The following RBFOX1 variants were observed in gnomAD, a reference collection of about 807,000 sequenced individuals.
RBFOX1 encodes RNA binding protein fox-1 homolog 1.
In RBFOX1, 8 loss-of-function variants were observed where a neutral mutation model predicts 57.7. The observed-to-expected ratio is 0.14, with a 90% CI of 0.08 to 0.25. The LOEUF (loss-of-function observed/expected upper bound fraction) is 0.25, where lower values mean the gene tolerates loss of function less well. Ranked by LOEUF, RBFOX1 falls within the 10% of genes least tolerant of loss-of-function variation. The probability of loss-of-function intolerance (pLI) is 1.00; values close to 1 mark genes in which losing one functional copy is unlikely to be tolerated. For missense variants in RBFOX1, 611 were observed against 548.5 expected (o/e 1.11, Z -1.14); for synonymous variants, 326 against 222.4 (o/e 1.47, Z -4.15).
chr16:7,448,982 T>C (rs1158841082), intron 4 of RBFOX1, among the ~76,000 whole-genome samples: 1 of 142,220 alleles, frequency 7.0e-6, no homozygotes, highest in East Asian at 2.2e-4. Flanking sequence ...CAGGCTGGAG[T>C]GCAATGGCGC....
At chr16:5,245,622 G>A (rs925075358) in intron 1 of RBFOX1, among the ~76,000 whole-genome samples, 18 of 152,100 alleles carry the variant, frequency 1.2e-4, no homozygotes, top group African/African-American at 3.1e-4. Flanking sequence ...TGTATTTTTA[G>A]TAGAGATGAG....
At chr16:6,558,289 G>A (rs911580525) in intron 2 of RBFOX1, among the ~76,000 whole-genome samples, 1 of 152,162 alleles carries the variant, frequency 6.6e-6, no homozygotes, top group African/African-American at 2.4e-5. Flanking sequence ...TTTGCAAATC[G>A]AGAATAAGAA....
At chr16:7,530,105 C>T (rs150417752) in intron 5 of RBFOX1, among the ~76,000 whole-genome samples, 31 of 151,800 alleles carry the variant, frequency 2.0e-4, no homozygotes, top group African/African-American at 7.5e-4. Context: ...TTCAGTGTGA[C>T]AGTGCAGAGA....
At chr16:5,739,333 G>A (rs765335859) in intron 3 of RBFOX1, among the ~76,000 whole-genome samples, 48 of 152,236 alleles carry the variant, frequency 3.2e-4, no homozygotes, top group African/African-American at 7.0e-4. Flanking sequence ...AACGTTCTGC[G>A]TAGCAGGCAG....
rs756942326 is a variant in RBFOX1, at chr16:7,038,305, G to T, written c.-15-13752G>T. On this transcript the variant is annotated intron_variant, in intron 3 of 15. Coordinates refer to ENST00000550418, the MANE Select transcript of RBFOX1 (RefSeq NM_018723.4). ...TGAGCAAGGGTTTGGGATGGGATGG[G>T]GTTGAAGGAGGGCAATTATAACCCT... 2.0e-5 allele frequency among the ~76,000 whole-genome samples: 3 copies of T among 152,244 alleles called. No individual in the cohort carries two copies. In the East Asian group the frequency reaches 5.8e-4, roughly 29 times the overall value.
intron 4 of RBFOX1, among the ~76,000 whole-genome samples, chr16:7,372,222 T>G (rs1317575300): frequency 6.6e-6 from 1 of 152,104 alleles, no homozygotes; most frequent in South Asian, 2.1e-4. Context: ...GACATCCTAT[T>G]TGGGCCTCGG....
chr16:7,632,114 G>A (rs1021424684), intron 11 of RBFOX1, among the ~76,000 whole-genome samples: 1 of 152,112 alleles, frequency 6.6e-6, no homozygotes, highest in African/African-American at 2.4e-5. Flanking sequence ...TCCCCATCTT[G>A]GCCAGGCTGG....
intron 1 of RBFOX1, among the ~76,000 whole-genome samples, chr16:6,082,653 C>T (rs778475848): frequency 1.2e-4 from 18 of 152,096 alleles, no homozygotes; most frequent in African/African-American, 2.2e-4. Context: ...GCAATAGGGA[C>T]GGAATGATAA....
At chr16:7,032,836 C>G (rs1299720130) in intron 3 of RBFOX1, among the ~76,000 whole-genome samples, 1 of 152,172 alleles carries the variant, frequency 6.6e-6, no homozygotes, top group Non-Finnish European at 1.5e-5. Flanking sequence ...AGGCTCATGG[C>G]ATAGCCACTC....
intron 3 of RBFOX1, among the ~76,000 whole-genome samples, chr16:5,848,323 A>G (rs1238358774): frequency 6.6e-6 from 1 of 152,138 alleles, no homozygotes. Flanking sequence ...ACCCCTAACA[A>G]AAACCGATGT....
rs377393207 is a variant in RBFOX1, at chr16:7,249,989, C to A, written c.27+197891C>A. On this transcript the variant is annotated intron_variant, in intron 4 of 15. Transcript: ENST00000550418. ...ATAATGAAGAGAAGCATTATAAAAT[C>A]CTTTCCAATTGCCATTTTTATAAAA... is the stretch of plus-strand genomic sequence containing the variant. Among the ~76,000 whole-genome samples the A allele has an allele frequency of 3.3e-4, 50 of 152,304 alleles. 1 individual carries two copies. In the South Asian group the frequency reaches 0.01, roughly 31 times the overall value.
At chr16:6,822,328 C>G (rs1233227587) in intron 3 of RBFOX1, among the ~76,000 whole-genome samples, 1 of 152,174 alleles carries the variant, frequency 6.6e-6, no homozygotes, top group Non-Finnish European at 1.5e-5. Context: ...TCTTCAATGC[C>G]TGTTGACTCT....
chr16:7,202,921 C>G (rs2088973003), intron 4 of RBFOX1, among the ~76,000 whole-genome samples: 1 of 152,116 alleles, frequency 6.6e-6, no homozygotes, highest in African/African-American at 2.4e-5. Flanking sequence ...CCGAGTCTCA[C>G]TGTCACCCTG....
chr16:5,399,769 A>C (rs1364950755), intron 1 of RBFOX1, among the ~76,000 whole-genome samples: 2 of 151,390 alleles, frequency 1.3e-5, no homozygotes, highest in Admixed American at 6.6e-5. Flanking sequence ...GCTCATTTGC[A>C]GTTCTAAGTC....
intron 3 of RBFOX1, among the ~76,000 whole-genome samples, chr16:6,722,248 G>A (rs1473128071): frequency 2.6e-5 from 4 of 152,176 alleles, no homozygotes; most frequent in South Asian, 2.1e-4. Flanking sequence ...AGGCTAAACC[G>A]TTTTGCATTT....
intron 4 of RBFOX1, among the ~76,000 whole-genome samples, chr16:7,243,091 G>C (rs1056812917): frequency 6.6e-6 from 1 of 152,028 alleles, no homozygotes; most frequent in African/African-American, 2.4e-5. Context: ...GTCATTAGCT[G>C]AACGTTTTAG....
intron 1 of RBFOX1, among the ~76,000 whole-genome samples, chr16:6,229,794 T>A (rs777878132): frequency 2.0e-5 from 3 of 152,126 alleles, no homozygotes; most frequent in Non-Finnish European, 2.9e-5. Context: ...TGAATAGTTA[T>A]AAATATAGAA....
At chr16:6,393,196 G>T (rs1383937564) in intron 2 of RBFOX1, among the ~76,000 whole-genome samples, 1 of 152,184 alleles carries the variant, frequency 6.6e-6, no homozygotes, top group Non-Finnish European at 1.5e-5. Context: ...ATCTGTAGAT[G>T]CTGAAATGTC....
intron 2 of RBFOX1, among the ~76,000 whole-genome samples, chr16:6,548,612 C>G (rs928322502): frequency 1.3e-5 from 2 of 151,996 alleles, no homozygotes; most frequent in African/African-American, 2.4e-5. Flanking sequence ...TTCAAATAAG[C>G]TGAAGGAAAA....
Sources: allele counts gnomAD v4.1 joint callset (sites outside exome capture counted in the v4.1 genomes callset), GRCh38; gene constraint gnomAD v4.1.1; transcripts MANE v1.5; gene names NCBI Gene and HGNC (gene_info 2026-07-23, HGNC 2026-07-21).